The following ARL15 variants were observed in gnomAD, a reference collection of about 807,000 sequenced individuals.
ARL15 encodes ARF like GTPase 15.
In ARL15, 19 loss-of-function variants were observed where a neutral mutation model predicts 25.2. The ratio of observed to expected loss-of-function variants is 0.75; its 90% CI spans 0.53 to 1.10. The LOEUF (loss-of-function observed/expected upper bound fraction) is 1.10. Ranked by LOEUF, ARL15 falls within the 50% of genes least tolerant of loss-of-function variation. ARL15 has a pLI of 0.00. For missense variants in ARL15, 220 were observed against 246.0 expected (o/e 0.89, Z 0.71); for synonymous variants, 94 against 86.8 (o/e 1.08, Z -0.46).
intron 4 of ARL15, among the ~76,000 whole-genome samples, chr5:53,968,701 G>A (rs1747643919): frequency 6.6e-6 from 1 of 151,786 alleles, no homozygotes; most frequent in African/African-American, 2.4e-5. Flanking sequence ...AGTAGAGACG[G>A]GGTTTGACCA....
At chr5:54,188,046 C>T (rs1316475449) in intron 1 of ARL15, among the ~76,000 whole-genome samples, 1 of 152,070 alleles carries the variant, frequency 6.6e-6, no homozygotes, top group Non-Finnish European at 1.5e-5. Context: ...AAGTAAGGTA[C>T]AATCCCTCAA....
At chr5:54,166,808 T>C (rs899731189) in intron 2 of ARL15, among the ~76,000 whole-genome samples, 1 of 152,202 alleles carries the variant, frequency 6.6e-6, no homozygotes. Flanking sequence ...TCAGTTCCAA[T>C]TCGATGATTA....
chr5:54,098,237 CT>C, intron 4 of ARL15, among the ~76,000 whole-genome samples: 1 of 152,242 alleles, frequency 6.6e-6, no homozygotes, highest in South Asian at 2.1e-4. Flanking sequence ...TGAAAGCGTT[CT>C]AATACCAGGA....
intron 1 of ARL15, among the ~76,000 whole-genome samples, chr5:54,278,478 T>A (rs1757976555): frequency 6.6e-6 from 1 of 152,200 alleles, no homozygotes; most frequent in Non-Finnish European, 1.5e-5. Flanking sequence ...ACTCCTTTTG[T>A]TTCAGAAACT....
intron 4 of ARL15, among the ~76,000 whole-genome samples, chr5:54,045,409 TCTC>T (rs1419052625): frequency 6.6e-6 from 1 of 152,142 alleles, no homozygotes; most frequent in Non-Finnish European, 1.5e-5. Flanking sequence ...ACTCCAAAAT[TCTC>T]CTAAAGATTC....
At chr5:54,135,308 T>A (rs1244297079) in intron 3 of ARL15, among the ~76,000 whole-genome samples, 1 of 152,128 alleles carries the variant, frequency 6.6e-6, no homozygotes, top group African/African-American at 2.4e-5. Context: ...GAGATGAATA[T>A]CACTGGTCAG....
At chr5:53,892,863 C>G (rs958365183) in intron 4 of ARL15, among the ~76,000 whole-genome samples, 1 of 152,016 alleles carries the variant, frequency 6.6e-6, no homozygotes, top group African/African-American at 2.4e-5. Context: ...GCCTTGGCTC[C>G]CAAAATGCTG....
intron 4 of ARL15, among the ~76,000 whole-genome samples, chr5:54,041,842 C>T (rs1750351615): frequency 6.6e-6 from 1 of 152,088 alleles, no homozygotes; most frequent in Non-Finnish European, 1.5e-5. Context: ...AAAGGCGGAG[C>T]AAGGATTTGA....
chr5:54,210,522 C>G, intron 1 of ARL15, among the ~76,000 whole-genome samples: 1 of 152,152 alleles, frequency 6.6e-6, no homozygotes, highest in East Asian at 1.9e-4. Flanking sequence ...AAATGGCCAT[C>G]ACAGAACCCA....
rs1039977586 is a variant in ARL15, at chr5:54,018,885, GAATAA to G, written c.462+94312_462+94316del. Among the ~76,000 whole-genome samples the G allele has an allele frequency of 5.8e-4, 89 of 152,242 alleles. 1 individual carries two copies. The highest frequency in any genetic ancestry group is 1.9e-3 in the African/African-American group (81 of 41,552). ...CAAAACAGAACTAAACACCCGGAGTGAATAATCTATTATAGTTCCCAATGTTGTTG... is the reference window on the plus strand; with the variant it reads ...CAAAACAGAACTAAACACCCGGAGTGTCTATTATAGTTCCCAATGTTGTTG... On this transcript the variant is annotated intron_variant, in intron 4 of 4. Coordinates refer to ENST00000504924, the MANE Select transcript of ARL15 (RefSeq NM_019087.3).
intron 1 of ARL15, among the ~76,000 whole-genome samples, chr5:54,258,525 C>A (rs113335251): frequency 6.6e-6 from 1 of 152,188 alleles, no homozygotes; most frequent in Non-Finnish European, 1.5e-5. Context: ...AGAGAGTCCA[C>A]CTTCTCTTGA....
chr5:54,165,098 G>A (rs1754527084), intron 2 of ARL15, among the ~76,000 whole-genome samples: 1 of 151,656 alleles, frequency 6.6e-6, no homozygotes, highest in Admixed American at 6.6e-5. Flanking sequence ...GTTATTATAC[G>A]ACTTCACATA....
intron 4 of ARL15, among the ~76,000 whole-genome samples, chr5:54,092,073 C>CACACACACACACACACACACACA (rs143647206): frequency 3.1e-3 from 460 of 149,746 alleles, no homozygotes; most frequent in Non-Finnish European, 4.9e-3. Flanking sequence ...CACACACACA[C>CACACACACACACACACACACACA]CACCACCACC....
chr5:54,132,149 G>A (rs535931807), intron 3 of ARL15, among the ~76,000 whole-genome samples: 1 of 152,130 alleles, frequency 6.6e-6, no homozygotes, highest in African/African-American at 2.4e-5. Context: ...ATTTTAATAT[G>A]CCAATATGTA....
At chr5:54,299,777 A>G (rs1758568108) in intron 1 of ARL15, among the ~76,000 whole-genome samples, 1 of 151,798 alleles carries the variant, frequency 6.6e-6, no homozygotes, top group African/African-American at 2.4e-5. Context: ...TTTAGTAGAG[A>G]TGGGGTTTCA....
At chr5:54,008,165 G>A (rs186637098) in intron 4 of ARL15, among the ~76,000 whole-genome samples, 9 of 152,226 alleles carry the variant, frequency 5.9e-5, no homozygotes, top group Non-Finnish European at 1.0e-4. Flanking sequence ...AGTCCTCTGG[G>A]CATATATATG....
intron 1 of ARL15, among the ~76,000 whole-genome samples, chr5:54,217,801 T>C (rs1253219481): frequency 6.6e-6 from 1 of 152,296 alleles, no homozygotes. Context: ...TATATTTATA[T>C]AGCCATTTTA....
chr5:53,998,795 A>G (rs1316900885), intron 4 of ARL15, among the ~76,000 whole-genome samples: 1 of 152,196 alleles, frequency 6.6e-6, no homozygotes, highest in African/African-American at 2.4e-5. Context: ...GTCCCTGCTT[A>G]TGGTCTAAAA....
intron 3 of ARL15, among the ~76,000 whole-genome samples, chr5:54,127,483 G>A (rs1753296209): frequency 6.6e-6 from 1 of 151,410 alleles, no homozygotes; most frequent in South Asian, 2.1e-4. Flanking sequence ...ACCTCTTCAA[G>A]GAGAACTACA....
Sources: gnomAD v4.1 joint callset for allele counts (sites outside exome capture counted in the v4.1 genomes callset) on GRCh38, gnomAD v4.1.1 for gene constraint, MANE v1.5 for transcripts, NCBI Gene and HGNC (gene_info 2026-07-23, HGNC 2026-07-21) for gene names.